Variants in CRTC3 observed in about 807,000 individuals in gnomAD.
CRTC3 encodes the protein CREB regulated transcription coactivator 3.
In CRTC3, 26 loss-of-function variants were observed where a neutral mutation model predicts 74.5. The ratio of observed to expected loss-of-function variants is 0.35; its 90% CI spans 0.26 to 0.48. The LOEUF is 0.48. CRTC3 is among the 20% of genes least tolerant of loss of function. CRTC3 has a pLI of 0.99. For synonymous variants in CRTC3, 377 were observed against 325.8 expected (o/e 1.16, Z -1.69); for missense variants, 760 against 787.3 (o/e 0.97, Z 0.41).
intron 11 of CRTC3, among the ~76,000 whole-genome samples, chr15:90,632,945 T>G (rs948343825): frequency 2.6e-5 from 4 of 152,198 alleles, no homozygotes; most frequent in Non-Finnish European, 5.9e-5. Context: ...ACATTTTTGG[T>G]GTTAGGCATT....
intron 2 of CRTC3, among the ~76,000 whole-genome samples, chr15:90,553,467 T>C (rs1422408237): frequency 6.6e-6 from 1 of 152,200 alleles, no homozygotes; most frequent in Non-Finnish European, 1.5e-5. Context: ...ATTTTTCCCT[T>C]CCTTTTTATC....
chr15:90,635,652 A>ACTCTGTCTCCAGAAAAT (rs563302700), intron 11 of CRTC3, among the ~76,000 whole-genome samples: 306 of 151,276 alleles, frequency 2.0e-3, no homozygotes, highest in African/African-American at 7.2e-3. Flanking sequence ...CTCCAGAAAA[A>ACTCTGTCTCCAGAAAAT]CTCTGTCTCC....
intron 2 of CRTC3, among the ~76,000 whole-genome samples, chr15:90,564,537 T>G (rs1223636529): frequency 2.6e-5 from 4 of 152,130 alleles, no homozygotes; most frequent in African/African-American, 9.7e-5. Flanking sequence ...CGCCATCCAG[T>G]AAAGGCTACA....
At chr15:90,634,808 A>C in intron 11 of CRTC3, 1 of 1,438,226 alleles carries the variant, frequency 7.0e-7, no homozygotes, top group East Asian at 2.3e-5. Context: ...CTGTAACCAA[A>C]GGAGGCATTT....
intron 2 of CRTC3, among the ~76,000 whole-genome samples, chr15:90,555,131 T>C (rs1299270457): frequency 6.6e-6 from 1 of 152,158 alleles, no homozygotes; most frequent in African/African-American, 2.4e-5. Flanking sequence ...CTTAGGGTGC[T>C]GTCATTTCTG....
At chr15:90,587,455 G>A (rs1459957239) in intron 2 of CRTC3, among the ~76,000 whole-genome samples, 1 of 152,230 alleles carries the variant, frequency 6.6e-6, no homozygotes, top group Non-Finnish European at 1.5e-5. Context: ...CTGATGTGGA[G>A]AACCATTTCT....
At chr15:90,638,692 C>G in intron 12 of CRTC3, 43 bp from the exon 13 acceptor site, 1 of 1,612,204 alleles carries the variant, frequency 6.2e-7, no homozygotes, top group Non-Finnish European at 8.5e-7. Flanking sequence ...GCTTGTTTTG[C>G]TCTGAGTTCC....
chr15:90,579,964 GT>G (rs1278685613), intron 2 of CRTC3, among the ~76,000 whole-genome samples: 1 of 151,946 alleles, frequency 6.6e-6, no homozygotes, highest in Non-Finnish European at 1.5e-5. Flanking sequence ...TTAATCTCTA[GT>G]TTTATATTAC....
chr15:90,537,122 T>G (rs1966732135), intron 1 of CRTC3, among the ~76,000 whole-genome samples: 1 of 152,234 alleles, frequency 6.6e-6, no homozygotes, highest in Admixed American at 6.5e-5. Context: ...ATGAAGGTGT[T>G]GAAGACAGTC....
At chr15:90,575,517 G>C (rs1350203204) in intron 2 of CRTC3, among the ~76,000 whole-genome samples, 1 of 152,044 alleles carries the variant, frequency 6.6e-6, no homozygotes, top group Non-Finnish European at 1.5e-5. Flanking sequence ...GTGTGAATCT[G>C]GCTTATTTTT....
At chr15:90,620,181 T>G (rs74721834) in intron 9 of CRTC3, 3,299 of 218,244 alleles carry the variant, frequency 0.015, 123 homozygotes, top group African/African-American at 0.073. Flanking sequence ...GAAGCATCAG[T>G]TCACCTGGCA....
intron 2 of CRTC3, 21 bp from the exon 3 acceptor site, chr15:90,593,615 C>T (rs1263336064): frequency 6.3e-7 from 1 of 1,592,472 alleles, no homozygotes; most frequent in Non-Finnish European, 8.6e-7. Context: ...GAGGCCAACT[C>T]TTCTTCCCTT....
At chr15:90,596,656 AT>A (rs1412593009) in intron 3 of CRTC3, among the ~76,000 whole-genome samples, 8 of 152,036 alleles carry the variant, frequency 5.3e-5, no homozygotes, top group African/African-American at 1.9e-4. Flanking sequence ...GGATGATTTT[AT>A]TTTGGTGTTA....
chr15:90,614,953 A>G (rs1968451897), intron 7 of CRTC3, among the ~76,000 whole-genome samples: 1 of 152,084 alleles, frequency 6.6e-6, no homozygotes, highest in Admixed American at 6.5e-5. Flanking sequence ...GGTCCCAGAT[A>G]CTCAGGAGGC....
At chr15:90,558,409 G>GGCAAAGT (rs1365203594) in intron 2 of CRTC3, among the ~76,000 whole-genome samples, 1 of 152,076 alleles carries the variant, frequency 6.6e-6, no homozygotes, top group African/African-American at 2.4e-5. Flanking sequence ...TCAGGGTAAA[G>GGCAAAGT]GCAAAGTGCA....
chr15:90,567,256 A>G (rs374399420), intron 2 of CRTC3, among the ~76,000 whole-genome samples: 14 of 152,328 alleles, frequency 9.2e-5, no homozygotes, highest in African/African-American at 3.4e-4. Flanking sequence ...GGATGACGGT[A>G]CATGTGTTTG....
chr15:90,541,008 G>A (rs1354204169), intron 2 of CRTC3, among the ~76,000 whole-genome samples: 1 of 152,210 alleles, frequency 6.6e-6, no homozygotes, highest in African/African-American at 2.4e-5. Flanking sequence ...GTAAGACACA[G>A]ATAAGTAGTC....
At chr15:90,635,938 T>C (rs1969218544) in intron 11 of CRTC3, among the ~76,000 whole-genome samples, 1 of 152,132 alleles carries the variant, frequency 6.6e-6, no homozygotes, top group Non-Finnish European at 1.5e-5. Flanking sequence ...CATTCCATGC[T>C]CATGGGTAGG....
At position 90,625,867 on chromosome 15, in the gene CRTC3, C is replaced by T. The variant is rs768549829; in HGVS notation, c.841C>T (p.His281Tyr). ...GGSLPDLTNL[H>Y]YSTPLPASLD... is the part of the protein sequence containing the mutation. ...GTCATTGCCAGATCTAACCAACCTC[C>T]ACTACTCGACACCCCTGCCAGCCTC... The change falls in exon 10 of 15, where the codon CAC becomes TAC. Residue 281 changes from histidine (H) to tyrosine (Y), a missense_variant. Transcript: ENST00000268184. 5 of 1,614,178 alleles carry T rather than the reference C, an allele frequency of 3.1e-6. No individual in the cohort carries two copies. The South Asian group carries it at 4.4e-5, about 14-fold the overall frequency.
Sources: gnomAD v4.1 joint callset for allele counts (sites outside exome capture counted in the v4.1 genomes callset) on GRCh38, gnomAD v4.1.1 for gene constraint, MANE v1.5 for transcripts, NCBI Gene and HGNC (gene_info 2026-07-23, HGNC 2026-07-21) for gene names.